The following AGO3 variants were observed in gnomAD, a reference collection of about 807,000 sequenced individuals.
The protein encoded by AGO3 is argonaute RISC catalytic component 3, also known as protein argonaute-3.
A neutral mutation model predicts 105.5 loss-of-function variants in AGO3; 16 were observed. The observed-to-expected ratio is 0.15, with a 90% confidence interval of 0.10 to 0.23. The LOEUF is 0.23. AGO3 is among the 10% of genes least tolerant of loss of function. The pLI is 1.00. For missense variants in AGO3, 534 were observed against 1,088.0 expected (o/e 0.49, Z 7.16); for synonymous variants, 340 against 367.3 (o/e 0.93, Z 0.85).
At chr1:35,949,573 G>A (rs1557646631) in intron 2 of AGO3, among the ~76,000 whole-genome samples, 1 of 152,158 alleles carries the variant, frequency 6.6e-6, no homozygotes, top group Non-Finnish European at 1.5e-5. Context: ...CAGTGGTTCA[G>A]TTATGTCTAA....
chr1:36,003,528 C>CTA (rs754777292), intron 5 of AGO3, among the ~76,000 whole-genome samples: 117 of 151,570 alleles, frequency 7.7e-4, no homozygotes, highest in Middle Eastern at 3.4e-3. Flanking sequence ...AACCCCGTCT[C>CTA]TACTAGAAGT....
chr1:35,953,900 T>C lies in AGO3; in HGVS notation c.191+8037T>C, dbSNP rs147406575. ...CTAGATAAAAGTCCCTTATTAGATA[T>C]ATGGTTGCAAAATTTTTCTCTGTTT... On this transcript the variant is annotated intron_variant, in intron 2 of 18. Coordinates refer to ENST00000373191, the MANE Select transcript of AGO3 (RefSeq NM_024852.4). Among the ~76,000 whole-genome samples the C allele has an allele frequency of 2.7e-3, 417 of 152,282 alleles. 1 individual carries two copies. Among genetic ancestry groups the C allele is most frequent in the African/African-American group, 9.0e-3 (375 of 41,562 alleles).
intron 16 of AGO3, among the ~76,000 whole-genome samples, chr1:36,041,103 T>G (rs901459630): frequency 6.6e-6 from 1 of 150,842 alleles, no homozygotes; most frequent in African/African-American, 2.4e-5. Context: ...AAGTGGAAAT[T>G]TATACAAACT....
intron 1 of AGO3, among the ~76,000 whole-genome samples, chr1:35,933,135 T>G (rs571938355): frequency 6.6e-6 from 1 of 152,174 alleles, no homozygotes; most frequent in Non-Finnish European, 1.5e-5. Flanking sequence ...AAGTGTGTAG[T>G]TAGATTATCA....
chr1:36,010,561 C>T (rs896154309), intron 9 of AGO3, among the ~76,000 whole-genome samples: 8 of 150,460 alleles, frequency 5.3e-5, no homozygotes, highest in Admixed American at 2.6e-4. Context: ...CCGATCACAC[C>T]ACTGCACTCC....
chr1:35,944,314 G>C (rs1646317206), intron 1 of AGO3, among the ~76,000 whole-genome samples: 1 of 151,794 alleles, frequency 6.6e-6, no homozygotes, highest in African/African-American at 2.4e-5. Context: ...CCTCCTGAGT[G>C]TCTGGGATTA....
chr1:35,944,421 TATTG>T (rs1368119470), intron 1 of AGO3, among the ~76,000 whole-genome samples: 1 of 152,124 alleles, frequency 6.6e-6, no homozygotes, highest in Non-Finnish European at 1.5e-5. Context: ...CTGTCAAATT[TATTG>T]ACACAATGTA....
chr1:36,043,395 A>T, intron 16 of AGO3, 52 bp from the exon 17 acceptor site: 3 of 1,425,570 alleles, frequency 2.1e-6, no homozygotes, highest in Non-Finnish European at 3.0e-6. Flanking sequence ...GTGCTTTCAG[A>T]TATATTTTTA....
chr1:35,993,738 CTTTTTTTTTTTTTTTTT>C (rs141978570), intron 5 of AGO3, among the ~76,000 whole-genome samples: 4 of 90,780 alleles, frequency 4.4e-5, no homozygotes, highest in African/African-American at 2.0e-4. Flanking sequence ...CCACCCCCTG[CTTTTTTTTTTTTTTTTT>C]TTTTTTTTTG....
rs34538981 is a variant in AGO3, at chr1:36,022,062, C to CTTT, written c.1407-5033_1407-5031dup. Reference sequence around the variant, plus strand: ...CCTTGGATGAAACTAAGTTGGGGGCCTTTTTTTTTTTTTTTTTTTTTGACA... The same window carrying CTTT: ...CCTTGGATGAAACTAAGTTGGGGGCCTTTTTTTTTTTTTTTTTTTTTTTTGACA... On this transcript the variant is annotated intron_variant, in intron 11 of 18. Transcript: ENST00000373191. Among the ~76,000 whole-genome samples the CTTT allele has an allele frequency of 8.7e-4, 96 of 110,288 alleles. 1 individual carries two copies. Among genetic ancestry groups the CTTT allele is most frequent in the Non-Finnish European group, 1.1e-3 (64 of 57,820 alleles). The allele number at this position is 110,288 out of a possible 152,430, so 72.4% of individuals were successfully genotyped here.
intron 1 of AGO3, among the ~76,000 whole-genome samples, chr1:35,945,269 G>A (rs1435138585): frequency 2.0e-5 from 3 of 150,240 alleles, no homozygotes; most frequent in Admixed American, 6.6e-5. Context: ...CTGGAGCGTC[G>A]TGTTACTATC....
At chr1:35,986,236 T>C (rs1647173161) in intron 5 of AGO3, among the ~76,000 whole-genome samples, 1 of 152,240 alleles carries the variant, frequency 6.6e-6, no homozygotes, top group African/African-American at 2.4e-5. Context: ...GCATGTGTGC[T>C]TGAAACATTA....
chr1:35,939,140 C>A (rs1417440089), intron 1 of AGO3, among the ~76,000 whole-genome samples: 1 of 152,090 alleles, frequency 6.6e-6, no homozygotes, highest in Non-Finnish European at 1.5e-5. Context: ...AAATATGCTT[C>A]ATTGGAAGTA....
rs187751020 is a variant in AGO3 at position 36,037,343 on chromosome 1, G to A, written c.1842+1076G>A. Among the ~76,000 whole-genome samples the A allele has an allele frequency of 6.7e-3, 1,018 of 152,114 alleles. 8 individuals are homozygous for A. Among genetic ancestry groups the A allele is most frequent in the African/African-American group, 0.023 (967 of 41,486 alleles). The stretch of plus-strand genomic sequence containing the variant: ...TCAAGACCAGCCTGACCAACATGGT[G>A]AAACCCCATCTGTATAAAAAATACG... On this transcript the variant is annotated intron_variant, in intron 14 of 18. Coordinates refer to ENST00000373191, the MANE Select transcript of AGO3 (RefSeq NM_024852.4).
intron 12 of AGO3, among the ~76,000 whole-genome samples, chr1:36,028,889 C>T (rs910197332): frequency 6.6e-6 from 1 of 152,078 alleles, no homozygotes; most frequent in Non-Finnish European, 1.5e-5. Flanking sequence ...CTATGTTTCT[C>T]GGGTTGGTCT....
intron 14 of AGO3, among the ~76,000 whole-genome samples, chr1:36,038,416 C>T (rs955274747): frequency 4.0e-5 from 6 of 151,858 alleles, no homozygotes; most frequent in Admixed American, 2.0e-4. Flanking sequence ...CTGACACACC[C>T]GGCTAATTTT....
intron 1 of AGO3, among the ~76,000 whole-genome samples, chr1:35,932,385 T>C (rs1646067706): frequency 1.3e-5 from 2 of 152,186 alleles, no homozygotes; most frequent in Non-Finnish European, 2.9e-5. Flanking sequence ...ACTAATGGTG[T>C]TACAAGTTCC....
intron 2 of AGO3, among the ~76,000 whole-genome samples, chr1:35,961,784 C>G (rs1399126079): frequency 3.3e-5 from 5 of 152,132 alleles, no homozygotes; most frequent in African/African-American, 1.2e-4. Flanking sequence ...AGTGGATTAT[C>G]TGAGTACTTA....
At chr1:36,005,656 T>C in intron 6 of AGO3, 1 of 931,140 alleles carries the variant, frequency 1.1e-6, no homozygotes, top group South Asian at 5.0e-5. Context: ...TCTGATATCA[T>C]GAAGTCACTT....
Sources: allele counts gnomAD v4.1 joint callset (sites outside exome capture counted in the v4.1 genomes callset), GRCh38; gene constraint gnomAD v4.1.1; transcripts MANE v1.5; gene names NCBI Gene and HGNC (gene_info 2026-07-23, HGNC 2026-07-21).